The following GPHN variants were observed in gnomAD, a reference collection of about 807,000 sequenced individuals.
GPHN encodes gephyrin.
In GPHN, 17 loss-of-function variants were observed where a neutral mutation model predicts 95.5. The ratio of observed to expected loss-of-function variants is 0.18; its 90% CI spans 0.12 to 0.27. The LOEUF (loss-of-function observed/expected upper bound fraction) is 0.27. Ranked by LOEUF, GPHN falls within the 10% of genes least tolerant of loss-of-function variation. The pLI is 1.00. For synonymous variants in GPHN, 320 were observed against 322.5 expected, an observed-to-expected ratio of 0.99 and a Z score of 0.08; for missense variants, 660 against 978.1, an observed-to-expected ratio of 0.67 and a Z score of 4.34.
At chr14:66,844,051 G>A (rs370660143) in intron 4 of GPHN, among the ~76,000 whole-genome samples, 1 of 151,816 alleles carries the variant, frequency 6.6e-6, no homozygotes, top group Non-Finnish European at 1.5e-5. Flanking sequence ...AACTTTAAAA[G>A]CATCATCTCT....
the GPHN span, chr14:67,347,422 A>G: frequency 6.2e-7 from 1 of 1,607,864 alleles, no homozygotes; most frequent in Non-Finnish European, 8.5e-7. Flanking sequence ...CAGTTCCTTC[A>G]TGGTAATGTT....
the GPHN span, among the ~76,000 whole-genome samples, chr14:67,452,325 C>CAAA: frequency 8.6e-4 from 93 of 107,896 alleles, no homozygotes; most frequent in African/African-American, 2.0e-3. Flanking sequence ...GACTCTGTCT[C>CAAA]AAAAAAAAAA....
At chr14:66,792,150 G>A (rs866255429) in intron 3 of GPHN, among the ~76,000 whole-genome samples, 3 of 152,048 alleles carry the variant, frequency 2.0e-5, no homozygotes, top group African/African-American at 7.2e-5. Context: ...ATTTGAGTAG[G>A]GACATAGCTA....
At chr14:67,279,053 T>C in the GPHN span, 1 of 957,404 alleles carries the variant, frequency 1.0e-6, no homozygotes, top group Non-Finnish European at 1.5e-6. Context: ...AGCATTATTA[T>C]GTGATGTGAG....
intron 21 of GPHN, among the ~76,000 whole-genome samples, chr14:67,172,668 T>C (rs1443367156): frequency 6.6e-6 from 1 of 152,080 alleles, no homozygotes; most frequent in Non-Finnish European, 1.5e-5. Flanking sequence ...TACTCTCCTT[T>C]CCTGAAGCTA....
chr14:66,545,553 C>CAGA (rs1566577450), intron 1 of GPHN, among the ~76,000 whole-genome samples: 3 of 105,426 alleles, frequency 2.8e-5, no homozygotes, highest in African/African-American at 6.3e-5. Flanking sequence ...GCTGGCCGGG[C>CAGA]GGGGGGCTGA....
chr14:66,842,833 C>G (rs776410298), intron 4 of GPHN: 5 of 740,682 alleles, frequency 6.8e-6, no homozygotes, highest in Non-Finnish European at 2.2e-6. Flanking sequence ...GTTTAATTTC[C>G]TTGTGGATTG....
chr14:67,578,316 C>T, the GPHN span: 5 of 902,854 alleles, frequency 5.5e-6, no homozygotes, highest in Non-Finnish European at 8.7e-6. This position sits in a 1 kb window ranked among gnomAD's most constrained non-coding sequence, Gnocchi z 5.0. Context: ...CGGGCAGCCT[C>T]TGTGCTCCAA....
chr14:67,587,482 C>A, the GPHN span: 1 of 526,644 alleles, frequency 1.9e-6, no homozygotes, highest in Admixed American at 3.2e-5. Flanking sequence ...ATAATGACTC[C>A]AGATGCTACC....
intron 10 of GPHN, among the ~76,000 whole-genome samples, chr14:67,037,296 A>C (rs1227619060): frequency 6.6e-6 from 1 of 152,010 alleles, no homozygotes; most frequent in Non-Finnish European, 1.5e-5. Flanking sequence ...AAATGGATTA[A>C]AGATCTAATA....
chr14:67,153,403 C>G (rs957029952), intron 18 of GPHN, among the ~76,000 whole-genome samples: 1 of 152,214 alleles, frequency 6.6e-6, no homozygotes, highest in Admixed American at 6.5e-5. Flanking sequence ...CTCTTCCAGG[C>G]TGCAGATAGC....
At chr14:67,466,478 C>T in the GPHN span, among the ~76,000 whole-genome samples, 1 of 152,186 alleles carries the variant, frequency 6.6e-6, no homozygotes, top group East Asian at 1.9e-4. Context: ...ACAGAAATGG[C>T]ATGGATGGTT....
the GPHN span, chr14:67,541,867 C>G: frequency 8.8e-6 from 14 of 1,596,460 alleles, no homozygotes; most frequent in Non-Finnish European, 1.2e-5. Context: ...TCGATTCCAT[C>G]ATGGCAGAAC....
chr14:67,643,906 A>C, the GPHN span, among the ~76,000 whole-genome samples: 1 of 147,916 alleles, frequency 6.8e-6, no homozygotes, highest in South Asian at 2.1e-4. Flanking sequence ...GAAAACGGTC[A>C]CACCCAGGTT....
the GPHN span, among the ~76,000 whole-genome samples, chr14:67,389,157 T>C: frequency 1.3e-5 from 2 of 152,134 alleles, no homozygotes; most frequent in South Asian, 4.2e-4. Flanking sequence ...CTTCAATTAA[T>C]CAATAATCAA....
chr14:67,431,501 C>T, the GPHN span, among the ~76,000 whole-genome samples: 1 of 151,024 alleles, frequency 6.6e-6, no homozygotes, highest in Non-Finnish European at 1.5e-5. Context: ...CCAGCCTGGG[C>T]AACATTATGA....
chr14:67,555,980 A>G, the GPHN span: 2 of 1,481,758 alleles, frequency 1.3e-6, no homozygotes, highest in Non-Finnish European at 1.8e-6. Flanking sequence ...CACATACATC[A>G]CCAGCAGTAC....
chr14:66,621,131 ATTTTT>A (rs149505173), intron 1 of GPHN, among the ~76,000 whole-genome samples: 1 of 141,320 alleles, frequency 7.1e-6, no homozygotes, highest in African/African-American at 2.5e-5. Context: ...AGCCCAGCCA[ATTTTT>A]TTTTTTTTTT....
At chr14:67,064,498 A>G (rs1392453076) in intron 11 of GPHN, among the ~76,000 whole-genome samples, 1 of 152,186 alleles carries the variant, frequency 6.6e-6, no homozygotes, top group African/African-American at 2.4e-5. Flanking sequence ...GAATAGTTTC[A>G]GAAGGAATGA....
Sources: gnomAD v4.1 joint callset for allele counts (sites outside exome capture counted in the v4.1 genomes callset) on GRCh38, gnomAD v4.1.1 for gene constraint, Gnocchi (gnomAD v3.1) non-coding constraint, MANE v1.5 for transcripts, NCBI Gene and HGNC (gene_info 2026-07-23, HGNC 2026-07-21) for gene names.